CA13: variants seen among roughly 807,000 people sequenced by gnomAD.
CA13 encodes CA-XIII.
Under a neutral mutation model 31.5 loss-of-function variants are expected in CA13, and 21 were observed. That is an observed-to-expected ratio of 0.67 (90% CI 0.47 to 0.96). CA13 has a LOEUF of 0.96. Among genes scored for constraint, CA13 ranks in the 40% least tolerant of loss-of-function variants. The probability of loss-of-function intolerance (pLI) is 0.00; values close to 1 mark genes in which losing one functional copy is unlikely to be tolerated. For missense variants in CA13, 315 were observed against 318.9 expected (o/e 0.99, Z 0.09); for synonymous variants, 117 against 111.4 (o/e 1.05, Z -0.32).
chr8:85,278,099 TA>T (rs969064459), intron 6 of CA13, among the ~76,000 whole-genome samples: 1,840 of 142,432 alleles, frequency 0.013, 23 homozygotes, highest in African/African-American at 0.035. Flanking sequence ...TGTCTTCACT[TA>T]AAAAAAAAAA....
At chr8:85,278,031 C>T (rs887483846) in intron 6 of CA13, among the ~76,000 whole-genome samples, 3 of 151,526 alleles carry the variant, frequency 2.0e-5, no homozygotes, top group East Asian at 1.9e-4. Flanking sequence ...AAGGCTGAGG[C>T]GGGAGGATCA....
chr8:85,256,632 C>T (rs1257859755), intron 2 of CA13, among the ~76,000 whole-genome samples: 2 of 152,114 alleles, frequency 1.3e-5, no homozygotes, highest in African/African-American at 4.8e-5. Flanking sequence ...TGTATAATCC[C>T]CCCAGGAGCC....
In CA13 at chr8:85,268,454, T is replaced by A; in HGVS notation, c.514-18T>A. On this transcript the variant is annotated intron_variant, in intron 5 of 6. Coordinates refer to ENST00000321764, the MANE Select transcript of CA13 (RefSeq NM_198584.3). ...GCTATCCCATTGTAATTTGTGGGAA[T>A]TCTTTTTGATCCTCCAGGGTAAACA... 6.2e-7 allele frequency: 1 copy of A among 1,613,676 alleles called. No individual in the cohort carries two copies. The highest frequency in any genetic ancestry group is 8.5e-7 in the Non-Finnish European group (1 of 1,179,654).
At chr8:85,275,593 G>A (rs1214924446) in intron 6 of CA13, among the ~76,000 whole-genome samples, 1 of 152,114 alleles carries the variant, frequency 6.6e-6, no homozygotes, top group African/African-American at 2.4e-5. Context: ...TGATTTTGGA[G>A]GGGAGTTGTT....
chr8:85,266,610 C>T lies in CA13; in HGVS notation c.357C>T (p.Leu119=). The T allele has an allele frequency of 6.2e-7, 1 of 1,612,778 alleles. No individual in the cohort carries two copies. The highest frequency in any genetic ancestry group is 2.2e-5 in the East Asian group (1 of 44,872). ...IVDGVSYAAE[L]HVVHWNSDKY... ...TATGTTGTATATCTCCCTTTCAGCTCCATGTTGTTCACTGGAATTCAGACA... is the reference window on the plus strand; with the variant it reads ...TATGTTGTATATCTCCCTTTCAGCTTCATGTTGTTCACTGGAATTCAGACA... The change falls in exon 4 of 7, where the codon CTC becomes CTT. Residue 119 remains leucine, a splice_region_variant and synonymous_variant. Coordinates refer to ENST00000321764, the MANE Select transcript of CA13 (RefSeq NM_198584.3).
At chr8:85,253,682 T>C (rs897357993) in intron 2 of CA13, among the ~76,000 whole-genome samples, 3 of 152,210 alleles carry the variant, frequency 2.0e-5, no homozygotes, top group African/African-American at 7.2e-5. Context: ...TTCAACTATA[T>C]TTCTTTCAAC....
At chr8:85,256,338 TA>T (rs1807295872) in intron 2 of CA13, among the ~76,000 whole-genome samples, 1 of 152,200 alleles carries the variant, frequency 6.6e-6, no homozygotes, top group Non-Finnish European at 1.5e-5. Context: ...TTTTTGTGGA[TA>T]AAATATGTGT....
rs1807741061 is a variant in CA13, at chr8:85,283,746, G to A, written c.*2397G>A. 6.6e-6 allele frequency: 1 copy of A among 152,614 alleles called. No individual in the cohort carries two copies. Among genetic ancestry groups the A allele is most frequent in the Non-Finnish European group, 1.5e-5 (1 of 68,036 alleles). 9.5% of individuals were successfully genotyped at this position (152,614 alleles called of 1,614,324 possible). On this transcript the variant is annotated 3_prime_UTR_variant, in exon 7 of 7. Transcript: ENST00000321764. The stretch of plus-strand genomic sequence containing the variant: ...AGGACAGGGGTTCTAATTACTGTCT[G>A]TGAGAGTTACTACTTTGTAACTTAT...
rs569706721 is a variant in CA13 at position 85,265,927 on chromosome 8, T to C, written c.355-681T>C. 1.2e-3 allele frequency among the ~76,000 whole-genome samples: 183 copies of C among 152,224 alleles called. 4 individuals carry two copies. The highest frequency in any genetic ancestry group is 6.2e-4 in the Non-Finnish European group (42 of 68,042). ...CTTAAAATGACAGGTAGTAAACATTTAACTGGACAGTTTTAGAAACAGCCT... is the reference window on the plus strand; with the variant it reads ...CTTAAAATGACAGGTAGTAAACATTCAACTGGACAGTTTTAGAAACAGCCT... On this transcript the variant is annotated intron_variant, in intron 3 of 6. Transcript: ENST00000321764.
chr8:85,249,939 A>G, intron 1 of CA13: 1 of 340,510 alleles, frequency 2.9e-6, no homozygotes, highest in Non-Finnish European at 5.9e-6. Flanking sequence ...CAATTTCCCT[A>G]ACATGTCTGA....
intron 2 of CA13, among the ~76,000 whole-genome samples, chr8:85,257,724 C>T (rs564397445): frequency 8.9e-4 from 132 of 148,684 alleles, no homozygotes; most frequent in African/African-American, 3.2e-3. Context: ...AAAACAAAAA[C>T]GAACAAACCC....
chr8:85,250,956 G>A lies in CA13; in HGVS notation c.235+19G>A, dbSNP rs1197078566. The A allele has an allele frequency of 6.4e-7, 1 of 1,573,882 alleles. No individual in the cohort carries two copies. Among genetic ancestry groups the A allele is most frequent in the Non-Finnish European group, 8.7e-7 (1 of 1,146,138 alleles). On this transcript the variant is annotated intron_variant, in intron 2 of 6. Transcript: ENST00000321764. ...AAATCAGGTTGGCTTTTCTTTTTTT[G>A]TGTGTGTGGTGGTGGATGAAGGGTT... is the stretch of plus-strand genomic sequence containing the variant.
intron 1 of CA13, among the ~76,000 whole-genome samples, chr8:85,246,131 G>GT (rs1183178296): frequency 6.6e-6 from 1 of 152,170 alleles, no homozygotes; most frequent in African/African-American, 2.4e-5. Context: ...GTTCATACGT[G>GT]TGAGTTCACC....
Position 85,245,682 on chromosome 8 carries a change from C to G in CA13, c.-147C>G. The G allele has an allele frequency of 1.2e-6, 1 of 850,502 alleles. No individual in the cohort carries two copies. Among genetic ancestry groups the G allele is most frequent in the Admixed American group, 2.1e-5 (1 of 47,696 alleles). The allele number at this position is 850,502 out of a possible 1,614,324, so 52.7% of individuals were successfully genotyped here. A position where few individuals can be genotyped will look rare whatever the true frequency, so the allele number is the denominator to read the frequency against. ...GCCGTCTGGAGGACGCAGGCGGGAG[C>G]GCCCCGGACCGGGTTCACGGTCTCG... On this transcript the variant is annotated 5_prime_UTR_variant, in exon 1 of 7. Transcript: ENST00000321764.
At position 85,281,522 on chromosome 8, in the gene CA13, T is replaced by A; in HGVS notation, c.*173T>A. On this transcript the variant is annotated 3_prime_UTR_variant, in exon 7 of 7. Coordinates refer to ENST00000321764, the MANE Select transcript of CA13 (RefSeq NM_198584.3). Reference sequence around the variant, plus strand: ...CAGATCTCTCTCTCTTTTTTTTTTATTTTTTTTAGTGATAGAGTCTCACTC... The same window carrying A: ...CAGATCTCTCTCTCTTTTTTTTTTAATTTTTTTAGTGATAGAGTCTCACTC... The A allele has an allele frequency of 1.6e-6, 2 of 1,270,848 alleles. No homozygotes were observed. The highest frequency in any genetic ancestry group is 1.5e-5 in the African/African-American group (1 of 65,742). The allele number at this position is 1,270,848 out of a possible 1,614,324, so 78.7% of individuals were successfully genotyped here.
intron 6 of CA13, among the ~76,000 whole-genome samples, chr8:85,277,439 T>G (rs1012250443): frequency 1.3e-5 from 2 of 152,090 alleles, no homozygotes; most frequent in African/African-American, 2.4e-5. Flanking sequence ...GAGCACATCC[T>G]AGCATCAGAA....
At chr8:85,247,302 A>G (rs1247916399) in intron 1 of CA13, among the ~76,000 whole-genome samples, 5 of 152,144 alleles carry the variant, frequency 3.3e-5, no homozygotes, top group Non-Finnish European at 7.4e-5. Flanking sequence ...CAATCAATGG[A>G]TATTGATTAC....
intron 2 of CA13, among the ~76,000 whole-genome samples, chr8:85,256,903 T>C (rs1325632607): frequency 6.6e-6 from 1 of 152,158 alleles, no homozygotes; most frequent in Non-Finnish European, 1.5e-5. Context: ...TCCTAAATAA[T>C]ACAAGGTCCT....
chr8:85,278,669 G>T (rs1447559100), intron 6 of CA13, among the ~76,000 whole-genome samples: 1 of 152,172 alleles, frequency 6.6e-6, no homozygotes, highest in East Asian at 1.9e-4. Context: ...GTCGGAGAAT[G>T]GATGGAAAAA....
Sources: allele counts gnomAD v4.1 joint callset (sites outside exome capture counted in the v4.1 genomes callset), GRCh38; gene constraint gnomAD v4.1.1; transcripts MANE v1.5; gene names NCBI Gene and HGNC (gene_info 2026-07-23, HGNC 2026-07-21).